Variants in NCKAP1 observed in about 807,000 individuals in gnomAD.
The protein encoded by NCKAP1 is NCK associated protein 1, also known as nck-associated protein 1.
In NCKAP1, 21 loss-of-function variants were observed where a neutral mutation model predicts 151.2. The observed-to-expected ratio is 0.14, with a 90% CI of 0.10 to 0.20. The LOEUF (loss-of-function observed/expected upper bound fraction) is 0.20, where lower values mean the gene tolerates loss of function less well. NCKAP1 is among the 10% of genes least tolerant of loss of function. The probability of loss-of-function intolerance (pLI) is 1.00; values close to 1 mark genes in which losing one functional copy is unlikely to be tolerated. For missense variants in NCKAP1, 933 were observed against 1,352.1 expected (o/e 0.69, Z 4.86); for synonymous variants, 484 against 451.8 (o/e 1.07, Z -0.90).
intron 9 of NCKAP1, among the ~76,000 whole-genome samples, chr2:182,988,171 G>A (rs899205761): frequency 3.9e-5 from 6 of 152,082 alleles, no homozygotes; most frequent in Admixed American, 1.3e-4. Flanking sequence ...TTTGCATTTC[G>A]GGGTAATTCT....
intron 1 of NCKAP1, 43 bp downstream of exon 1, chr2:183,037,949 G>A: frequency 2.0e-6 from 3 of 1,490,846 alleles, no homozygotes; most frequent in Non-Finnish European, 2.7e-6. Flanking sequence ...CATCCCTCCC[G>A]GGCCCGCCCG....
At chr2:183,004,309 T>C (rs1442140128) in intron 2 of NCKAP1, among the ~76,000 whole-genome samples, 1 of 152,066 alleles carries the variant, frequency 6.6e-6, no homozygotes. Flanking sequence ...TCAAAGCCCA[T>C]ACAATGCTGA....
At chr2:182,985,921 A>C (rs1316650671) in intron 10 of NCKAP1, among the ~76,000 whole-genome samples, 1 of 152,146 alleles carries the variant, frequency 6.6e-6, no homozygotes, top group South Asian at 2.1e-4. Flanking sequence ...ATTATACCCA[A>C]AGTAAGAGTC....
intron 23 of NCKAP1, among the ~76,000 whole-genome samples, chr2:182,947,886 A>G (rs1697139971): frequency 6.6e-6 from 1 of 152,136 alleles, no homozygotes; most frequent in Non-Finnish European, 1.5e-5. Context: ...ATAAAATATA[A>G]GAATACGTAT....
intron 2 of NCKAP1, among the ~76,000 whole-genome samples, chr2:183,019,038 A>G (rs1698747268): frequency 6.6e-6 from 1 of 152,206 alleles, no homozygotes; most frequent in Non-Finnish European, 1.5e-5. Flanking sequence ...AAAGATTCCT[A>G]TAACTTAGGA....
chr2:182,970,473 T>C (rs1308143980), intron 15 of NCKAP1, among the ~76,000 whole-genome samples: 2 of 152,214 alleles, frequency 1.3e-5, no homozygotes, highest in African/African-American at 4.8e-5. Context: ...CTGTATAATT[T>C]TAATAGATGC....
intron 15 of NCKAP1, among the ~76,000 whole-genome samples, chr2:182,967,915 GA>G (rs779754632): frequency 1.3e-5 from 2 of 152,174 alleles, no homozygotes; most frequent in Admixed American, 6.5e-5. Context: ...AGGTTGTGGG[GA>G]AAAAAATTCT....
At chr2:183,020,006 G>T (rs4666873) in intron 2 of NCKAP1, among the ~76,000 whole-genome samples, 49,775 of 151,712 alleles carry the variant, frequency 0.33, 11,423 homozygotes, top group African/African-American at 0.65. Context: ...AAATAACTAT[G>T]TGCTCAAGGA....
intron 1 of NCKAP1, 124 bp from the exon 2 acceptor site, chr2:183,024,040 T>C: frequency 1.4e-6 from 1 of 701,370 alleles, no homozygotes; most frequent in Non-Finnish European, 2.4e-6. Flanking sequence ...ATAAAATGAA[T>C]AGGCAAAGTG....
In NCKAP1 at chr2:182,981,306, G is replaced by T. The variant is rs376312557; in HGVS notation, c.1279C>A (p.Gln427Lys). ...AHVRKYGPVM[Q>K]RYYVQYLSGF... The stretch of plus-strand genomic sequence containing the variant: ...GAAAGGTACTGCACGTAATACCTCT[G>T]CATTACAGGTCCGTATTTCCTCACA... Residue 427 changes from glutamine (Q) to lysine (K), a missense_variant, in exon 13 of 31, where the codon CAG becomes AAG. Gln to Lys is a moderately conservative substitution (Grantham distance 53). Transcript: ENST00000361354. The T allele has an allele frequency of 1.9e-6, 3 of 1,613,172 alleles. No homozygotes were observed. The highest frequency in any genetic ancestry group is 1.7e-6 in the Non-Finnish European group (2 of 1,179,294).
In NCKAP1 at chr2:182,949,417, T is replaced by G. The variant is rs116228636; in HGVS notation, c.2601+2988A>C. 2.2e-3 allele frequency among the ~76,000 whole-genome samples: 335 copies of G among 152,256 alleles called. 1 individual carries two copies. The highest frequency in any genetic ancestry group is 7.8e-3 in the African/African-American group (323 of 41,552). On this transcript the variant is annotated intron_variant, in intron 23 of 30. Transcript: ENST00000361354. ...TCCTTCTTGGCCTCACTTTCCTAATTTGTAAAATAAGGAAAACACCTCTTT... is the reference window on the plus strand; with the variant it reads ...TCCTTCTTGGCCTCACTTTCCTAATGTGTAAAATAAGGAAAACACCTCTTT...
At chr2:182,930,850 C>A (rs1696748920) in intron 26 of NCKAP1, 62 bp from the exon 27 acceptor site, 1 of 1,426,320 alleles carries the variant, frequency 7.0e-7, no homozygotes, top group Non-Finnish European at 9.8e-7. Flanking sequence ...AGAAAGCTCA[C>A]TGTTTATTAG....
chr2:182,926,759 A>T (rs1194987983), intron 30 of NCKAP1, 57 bp downstream of exon 30: 1 of 1,195,300 alleles, frequency 8.4e-7, no homozygotes, highest in African/African-American at 1.6e-5. Context: ...CCAAGAAAAG[A>T]TTCTCAGGAA....
intron 23 of NCKAP1, among the ~76,000 whole-genome samples, chr2:182,946,533 C>G (rs531753992): frequency 1.3e-5 from 2 of 151,730 alleles, no homozygotes; most frequent in South Asian, 4.2e-4. Context: ...TGTGCCAAAC[C>G]CATGACATGT....
intron 1 of NCKAP1, among the ~76,000 whole-genome samples, chr2:183,030,278 G>A (rs1347427157): frequency 6.6e-6 from 1 of 152,136 alleles, no homozygotes; most frequent in Admixed American, 6.5e-5. Context: ...TTCTGCCTCA[G>A]CCTCCTAAGT....
intron 23 of NCKAP1, among the ~76,000 whole-genome samples, chr2:182,949,158 G>C (rs1301849178): frequency 6.6e-6 from 1 of 152,144 alleles, no homozygotes; most frequent in Non-Finnish European, 1.5e-5. Flanking sequence ...ATAAACTAGA[G>C]ATGTACAGTA....
At chr2:183,011,430 T>C (rs1698587842) in intron 2 of NCKAP1, among the ~76,000 whole-genome samples, 1 of 152,208 alleles carries the variant, frequency 6.6e-6, no homozygotes, top group South Asian at 2.1e-4. Flanking sequence ...TTGTGCCCAT[T>C]TACAGTTAAT....
At chr2:182,986,056 C>G in intron 10 of NCKAP1, 115 bp downstream of exon 10, 1 of 877,386 alleles carries the variant, frequency 1.1e-6, no homozygotes, top group South Asian at 1.6e-5. Context: ...GACTGAAAGT[C>G]CCCCTCTTCT....
intron 1 of NCKAP1, among the ~76,000 whole-genome samples, chr2:183,033,670 TA>T (rs1169521905): frequency 3.3e-5 from 5 of 152,222 alleles, no homozygotes; most frequent in Non-Finnish European, 7.3e-5. Flanking sequence ...TATGATGGCT[TA>T]TAAAACAGTT....
Sources: gnomAD v4.1 joint callset for allele counts (sites outside exome capture counted in the v4.1 genomes callset) on GRCh38, gnomAD v4.1.1 for gene constraint, MANE v1.5 for transcripts, NCBI Gene and HGNC (gene_info 2026-07-23, HGNC 2026-07-21) for gene names.